Variants in CDC14B observed in about 807,000 individuals in gnomAD.
The protein encoded by CDC14B is cell division cycle 14B.
Under a neutral mutation model 64.2 loss-of-function variants are expected in CDC14B, and 22 were observed. The observed-to-expected ratio is 0.34, with a 90% confidence interval of 0.24 to 0.49. CDC14B has a LOEUF of 0.49. Among genes scored for constraint, CDC14B ranks in the 20% least tolerant of loss-of-function variants. The probability of loss-of-function intolerance (pLI) is 0.99; values close to 1 mark genes in which losing one functional copy is unlikely to be tolerated. For missense variants in CDC14B, 498 were observed against 629.9 expected, an observed-to-expected ratio of 0.79 and a Z score of 2.24; for synonymous variants, 191 against 215.8, an observed-to-expected ratio of 0.89 and a Z score of 1.01.
intron 6 of CDC14B, among the ~76,000 whole-genome samples, chr9:96,540,521 T>A (rs16911160): frequency 0.053 from 8,052 of 151,108 alleles, 706 homozygotes; most frequent in African/African-American, 0.18. Flanking sequence ...AATTTAATTT[T>A]AAAAAAACCC....
chr9:96,502,830 G>T lies in CDC14B; in HGVS notation c.*923C>A. On this transcript the variant is annotated 3_prime_UTR_variant, in exon 14 of 14. Transcript: ENST00000375241. The stretch of plus-strand genomic sequence containing the variant: ...GGGAAAAAAAAAATCCAATGTTACA[G>T]GGAAGGACTCTAAAAAAGTGGTAAC... 1 of 397,976 alleles carries T rather than the reference G, an allele frequency of 2.5e-6. No individual in the cohort carries two copies. Among genetic ancestry groups the T allele is most frequent in the South Asian group, 1.3e-4 (1 of 7,840 alleles). 24.7% of individuals were successfully genotyped at this position (397,976 alleles called of 1,614,324 possible). A position where few individuals can be genotyped will look rare whatever the true frequency, so the allele number is the denominator to read the frequency against.
chr9:96,564,325 T>G (rs929927689), intron 3 of CDC14B, among the ~76,000 whole-genome samples: 4 of 152,214 alleles, frequency 2.6e-5, no homozygotes, highest in Admixed American at 6.5e-5. Context: ...TAAAGGATCA[T>G]GTAGTACAGT....
chr9:96,575,754 G>T (rs1293307369), intron 1 of CDC14B, among the ~76,000 whole-genome samples: 1 of 152,130 alleles, frequency 6.6e-6, no homozygotes, highest in African/African-American at 2.4e-5. Context: ...GGAGGCTAAG[G>T]CAAGAGGATC....
At chr9:96,548,491 C>T (rs1167521035) in intron 5 of CDC14B, among the ~76,000 whole-genome samples, 1 of 151,936 alleles carries the variant, frequency 6.6e-6, no homozygotes, top group Non-Finnish European at 1.5e-5. Context: ...CACATACACA[C>T]ACACATACAT....
At chr9:96,601,856 G>A (rs560246980) in intron 1 of CDC14B, among the ~76,000 whole-genome samples, 2 of 145,410 alleles carry the variant, frequency 1.4e-5, no homozygotes, top group Admixed American at 7.1e-5. Context: ...TCAGGAGATC[G>A]AGACCATCCT....
At chr9:96,562,650 T>C in intron 4 of CDC14B, 43 bp downstream of exon 4, 1 of 1,221,670 alleles carries the variant, frequency 8.2e-7, no homozygotes, top group African/African-American at 1.5e-5. Context: ...AGAACCACTG[T>C]TGTGTGCATT....
chr9:96,552,191 C>T (rs1429583858), intron 4 of CDC14B, among the ~76,000 whole-genome samples: 1 of 152,220 alleles, frequency 6.6e-6, no homozygotes, highest in African/African-American at 2.4e-5. Flanking sequence ...TACCTCCCCT[C>T]CTTCCTGAAA....
At position 96,552,391 on chromosome 9, in the gene CDC14B, G is replaced by A. The variant is rs16911248; in HGVS notation, c.421-519C>T. Among the ~76,000 whole-genome samples, 790 of 152,278 alleles carry A rather than the reference G, an allele frequency of 5.2e-3. 4 individuals carry two copies. Among genetic ancestry groups the A allele is most frequent in the Middle Eastern group, 0.014 (4 of 294 alleles). ...TTTTCGACGCTCATTGACTTCTTTT[G>A]TCCTTAGAACTATGCTATGCTTTGA... On this transcript the variant is annotated intron_variant, in intron 4 of 13. Transcript: ENST00000375241.
intron 1 of CDC14B, among the ~76,000 whole-genome samples, chr9:96,578,413 C>CTGTAA: frequency 6.6e-6 from 1 of 152,188 alleles, no homozygotes; most frequent in Non-Finnish European, 1.5e-5. Context: ...AAAATAGTAA[C>CTGTAA]TTTACAGAAG....
At chr9:96,607,083 TA>T (rs151122830) in intron 1 of CDC14B, among the ~76,000 whole-genome samples, 1 of 151,098 alleles carries the variant, frequency 6.6e-6, no homozygotes, top group East Asian at 1.9e-4. Flanking sequence ...GAGCTTTGAT[TA>T]AAAAAAACAA....
At chr9:96,498,581 T>C (rs1408348934), downstream of CDC14B, among the ~76,000 whole-genome samples, 1 of 152,256 alleles carries the variant, frequency 6.6e-6, no homozygotes, top group Non-Finnish European at 1.5e-5. Flanking sequence ...TTTACACCAT[T>C]ACCTGTGCAT....
chr9:96,517,643 C>CAAAAAAAA lies in CDC14B; in HGVS notation c.1343+4855_1343+4862dup, dbSNP rs1016405679. On this transcript the variant is annotated intron_variant, in intron 12 of 13. Coordinates refer to ENST00000375241, the MANE Select transcript of CDC14B (RefSeq NM_033331.4). ...TGGGCGACAGAGCAAGACTCCGTCT[C>CAAAAAAAA]AAAAAAAAAAAAAAAAAAAAAGAAG... 3.0e-3 allele frequency among the ~76,000 whole-genome samples: 105 copies of CAAAAAAAA among 34,592 alleles called. 6 individuals carry two copies. The highest frequency in any genetic ancestry group is 0.012 in the African/African-American group (85 of 6,812). The allele number at this position is 34,592 out of a possible 152,430, so 22.7% of individuals were successfully genotyped here.
intron 1 of CDC14B, among the ~76,000 whole-genome samples, chr9:96,572,060 C>T (rs1217831742): frequency 6.6e-6 from 1 of 152,144 alleles, no homozygotes; most frequent in East Asian, 1.9e-4. Flanking sequence ...AGCTGAACCA[C>T]GGAGGCTGAC....
intron 1 of CDC14B, among the ~76,000 whole-genome samples, chr9:96,604,692 AGAGTCTTGCTCTGTCCCCCAGGCTG>A (rs1312142582): frequency 1.4e-5 from 2 of 148,052 alleles, no homozygotes; most frequent in Non-Finnish European, 3.0e-5. Flanking sequence ...GGAGGGGGAC[AGAGTCTTGCTCTGTCCCCCAGGCTG>A]GAGTGTAGTG....
At chr9:96,508,793 A>C (rs1263059050) in intron 13 of CDC14B, among the ~76,000 whole-genome samples, 1 of 152,232 alleles carries the variant, frequency 6.6e-6, no homozygotes, top group Non-Finnish European at 1.5e-5. Context: ...ACTGGGGACT[A>C]ATTTCACACT....
intron 9 of CDC14B, among the ~76,000 whole-genome samples, chr9:96,528,528 AAG>A (rs1491087410): frequency 2.0e-5 from 3 of 147,500 alleles, no homozygotes; most frequent in African/African-American, 8.1e-5. Context: ...TCTCAAAAAA[AAG>A]AAAAAAAAAG....
chr9:96,512,721 A>G (rs549685711), intron 12 of CDC14B, among the ~76,000 whole-genome samples: 52 of 152,354 alleles, frequency 3.4e-4, no homozygotes, highest in South Asian at 6.2e-4. Flanking sequence ...AAACAAAACA[A>G]AACAAACTGC....
chr9:96,610,565 A>T (rs922527858), intron 1 of CDC14B, among the ~76,000 whole-genome samples: 2 of 152,142 alleles, frequency 1.3e-5, no homozygotes, highest in Non-Finnish European at 2.9e-5. Flanking sequence ...GCATTTCATG[A>T]CATTTCCCTC....
intron 4 of CDC14B, among the ~76,000 whole-genome samples, chr9:96,560,562 A>C (rs1007417976): frequency 6.7e-6 from 1 of 150,240 alleles, no homozygotes; most frequent in African/African-American, 2.5e-5. Flanking sequence ...TCTTGGGTTC[A>C]TACATAGACT....
Sources: allele counts gnomAD v4.1 joint callset (sites outside exome capture counted in the v4.1 genomes callset), GRCh38; gene constraint gnomAD v4.1.1; transcripts MANE v1.5; gene names NCBI Gene and HGNC (gene_info 2026-07-23, HGNC 2026-07-21).